CTBP2: variants seen among roughly 807,000 people sequenced by gnomAD.
CTBP2 encodes C-terminal binding protein 2, also known as C-terminal-binding protein 2.
A neutral mutation model predicts 80.3 loss-of-function variants in CTBP2; 30 were observed. The observed-to-expected ratio is 0.37, with a 90% CI of 0.28 to 0.51. The LOEUF is 0.51. Among genes scored for constraint, CTBP2 ranks in the 20% least tolerant of loss-of-function variants. The pLI is 0.93. For missense variants in CTBP2, 1,212 were observed against 1,375.3 expected (o/e 0.88, Z 1.88); for synonymous variants, 594 against 587.4 (o/e 1.01, Z -0.16).
At chr10:125,003,566 A>C (rs961333472) in intron 1 of CTBP2, 74 bp from the exon 4 acceptor site, 13 of 1,232,756 alleles carry the variant, frequency 1.1e-5, no homozygotes, top group Non-Finnish European at 1.4e-5. Flanking sequence ...GCAGCTCCCC[A>C]CTCATCACTC....
At chr10:125,124,072 G>A (rs1334622871) in intron 1 of CTBP2, among the ~76,000 whole-genome samples, 1 of 152,202 alleles carries the variant, frequency 6.6e-6, no homozygotes, top group African/African-American at 2.4e-5. Flanking sequence ...ACAGTTGTAC[G>A]CTGGGCTGGC....
In CTBP2 at chr10:124,984,599, C is replaced by T; in HGVS notation, c.*4919G>A. 3.4e-6 allele frequency: 2 copies of T among 582,678 alleles called. No homozygotes were observed. Among genetic ancestry groups the T allele is most frequent in the Non-Finnish European group, 5.8e-6 (2 of 345,702 alleles). The allele number at this position is 582,678 out of a possible 1,614,324, so 36.1% of individuals were successfully genotyped here. ...CCATTTATGTCTTTTTAAATTTAAC[C>T]AGAGCAAACTGGACTTTAATCACAA... On this transcript the variant is annotated 3_prime_UTR_variant, in exon 9 of 9. Coordinates refer to ENST00000309035, the MANE Select transcript of CTBP2 (RefSeq NM_022802.3).
intron 2 of CTBP2, among the ~76,000 whole-genome samples, chr10:125,088,797 C>T (rs1848370828): frequency 6.6e-6 from 1 of 152,222 alleles, no homozygotes; most frequent in South Asian, 2.1e-4. Flanking sequence ...CTTCTCACCA[C>T]TGTGTAAACC....
chr10:125,068,890 C>T (rs1295921253), intron 2 of CTBP2, among the ~76,000 whole-genome samples: 1 of 152,208 alleles, frequency 6.6e-6, no homozygotes, highest in Non-Finnish European at 1.5e-5. Context: ...TCCGAGGCCC[C>T]ACTCTCCCCT....
intron 1 of CTBP2, among the ~76,000 whole-genome samples, chr10:125,137,502 T>C (rs1857150889): frequency 6.6e-6 from 1 of 152,196 alleles, no homozygotes; most frequent in Non-Finnish European, 1.5e-5. Context: ...AAATGCACAA[T>C]GTGCTGGAGC....
At chr10:125,113,480 C>A (rs1162762418) in intron 1 of CTBP2, among the ~76,000 whole-genome samples, 2 of 152,180 alleles carry the variant, frequency 1.3e-5, no homozygotes, top group African/African-American at 4.8e-5. Flanking sequence ...AATTTATACT[C>A]CTGATTAGTG....
intron 4 of CTBP2, among the ~76,000 whole-genome samples, chr10:124,995,027 G>T (rs1953281156): frequency 2.6e-5 from 4 of 152,234 alleles, no homozygotes; most frequent in African/African-American, 7.2e-5. Context: ...CGTGTCCTCC[G>T]TTCCCACCCC....
chr10:125,048,470 A>G (rs1590320685), intron 2 of CTBP2, among the ~76,000 whole-genome samples: 1 of 152,324 alleles, frequency 6.6e-6, no homozygotes. Flanking sequence ...CCAGCAGCAG[A>G]TGCTTCGTTT....
intron 1 of CTBP2, among the ~76,000 whole-genome samples, chr10:125,122,153 T>C (rs947612942): frequency 1.3e-5 from 2 of 152,226 alleles, no homozygotes; most frequent in South Asian, 2.1e-4. Flanking sequence ...TATTGATTCA[T>C]GCGCATCAAG....
At position 124,984,980 on chromosome 10, in the gene CTBP2, T is replaced by A. The variant is rs537740354; in HGVS notation, c.*4538A>T. On this transcript the variant is annotated 3_prime_UTR_variant, in exon 9 of 9. Coordinates refer to ENST00000309035, the MANE Select transcript of CTBP2 (RefSeq NM_022802.3). Reference sequence around the variant, plus strand: ...CTGATGGAGAGGAAGATGAGGATGATGAAGATGAATGAAAAAAAAAATCAA... The same window carrying A: ...CTGATGGAGAGGAAGATGAGGATGAAGAAGATGAATGAAAAAAAAAATCAA... 59 of 1,607,116 alleles carry A rather than the reference T, an allele frequency of 3.7e-5. No homozygotes were observed. The highest frequency in any genetic ancestry group is 2.6e-4 in the Admixed American group (15 of 58,804).
At chr10:125,003,702 GACGCACAC>G (rs776615520) in intron 1 of CTBP2, among the ~76,000 whole-genome samples, 151 of 152,326 alleles carry the variant, frequency 9.9e-4, no homozygotes, top group Non-Finnish European at 1.9e-3. Flanking sequence ...TCTGGCTGGA[GACGCACAC>G]GGCTGCTTCC....
rs564421895 is a variant in CTBP2 at position 124,997,883 on chromosome 10, G to A, written c.2185+81C>T. ...CCCTGGCTCCTCAAGAGCAGGCTGG[G>A]GTTGCCTTTCCCGAGGGGTCCCCAC... On this transcript the variant is annotated intron_variant, in intron 4 of 8. Transcript: ENST00000309035. The A allele has an allele frequency of 1.5e-5, 22 of 1,442,784 alleles. No individual in the cohort carries two copies. The South Asian group carries it at 2.3e-4, about 15-fold the overall frequency. The allele number at this position is 1,442,784 out of a possible 1,614,324, so 89.4% of individuals were successfully genotyped here.
chr10:125,068,577 C>T (rs914313986), intron 2 of CTBP2, among the ~76,000 whole-genome samples: 1 of 152,192 alleles, frequency 6.6e-6, no homozygotes, highest in Non-Finnish European at 1.5e-5. Context: ...GAGGTGGCAG[C>T]TTTGTCTCTA....
intron 1 of CTBP2, among the ~76,000 whole-genome samples, chr10:125,018,149 G>C (rs537260422): frequency 2.6e-5 from 4 of 152,198 alleles, no homozygotes; most frequent in Admixed American, 1.3e-4. Flanking sequence ...CTCAGGGTAG[G>C]GGGTGAACCT....
At chr10:125,030,133 G>C (rs765858987), upstream of CTBP2, among the ~76,000 whole-genome samples, 1 of 100,304 alleles carries the variant, frequency 1.0e-5, no homozygotes, top group Non-Finnish European at 2.0e-5. Flanking sequence ...CAAACACTCT[G>C]GTTACACAAA....
At chr10:125,046,109 A>G (rs1369180900) in intron 2 of CTBP2, among the ~76,000 whole-genome samples, 1 of 152,060 alleles carries the variant, frequency 6.6e-6, no homozygotes, top group Non-Finnish European at 1.5e-5. Flanking sequence ...ATTACGGTGT[A>G]CCCCCCAAAT....
intron 1 of CTBP2, among the ~76,000 whole-genome samples, chr10:125,144,105 T>A (rs1364115041): frequency 6.6e-6 from 1 of 152,024 alleles, no homozygotes; most frequent in Non-Finnish European, 1.5e-5. Flanking sequence ...GCAAACAGAG[T>A]CCCTTAAATC....
At chr10:125,039,090 C>T (rs78519366) in exon 3 of CTBP2, 1 of 1,596,506 alleles carries the variant, frequency 6.3e-7, no homozygotes, top group East Asian at 2.2e-5. Flanking sequence ...GATCAAAAGG[C>T]AAAGCAGTCC....
At chr10:125,118,745 G>A (rs905106534) in intron 1 of CTBP2, among the ~76,000 whole-genome samples, 1 of 152,164 alleles carries the variant, frequency 6.6e-6, no homozygotes. Flanking sequence ...GATGGGGAAC[G>A]CTTAAAATCA....
Sources: allele counts gnomAD v4.1 joint callset (sites outside exome capture counted in the v4.1 genomes callset), GRCh38; gene constraint gnomAD v4.1.1; transcripts MANE v1.5; gene names NCBI Gene and HGNC (gene_info 2026-07-23, HGNC 2026-07-21).